Variants in NAV2 observed in about 807,000 individuals in gnomAD.
The protein encoded by NAV2 is neuron navigator 2, also known as helicase, APC down-regulated 1.
NAV2 carries 54 observed loss-of-function variants against 223.2 expected under a neutral mutation model. The ratio of observed to expected loss-of-function variants is 0.24; its 90% confidence interval spans 0.19 to 0.30. NAV2 has a LOEUF of 0.30. Among genes scored for constraint, NAV2 ranks in the 10% least tolerant of loss-of-function variants. The probability of loss-of-function intolerance (pLI) is 1.00; values close to 1 mark genes in which losing one functional copy is unlikely to be tolerated. For synonymous variants in NAV2, 1,279 were observed against 1,239.3 expected (o/e 1.03, Z -0.67); for missense variants, 2,806 against 3,147.5 (o/e 0.89, Z 2.60).
rs145908202 is a variant in NAV2 at position 19,425,339 on chromosome 11, A to C, written c.75+74312A>C. 8.8e-3 allele frequency among the ~76,000 whole-genome samples: 1,342 copies of C among 152,186 alleles called. 26 individuals are homozygous for C. Among genetic ancestry groups the C allele is most frequent in the African/African-American group, 0.031 (1,276 of 41,524 alleles). ...GATAGAGTCACCAAATCCAAGGACA[A>C]TGACAAACATGCTTTACCATGGACA... On this transcript the variant is annotated intron_variant, in intron 1 of 37. Coordinates refer to the NAV2 transcript ENST00000360655.
chr11:20,068,090 C>A, intron 20 of NAV2, 96 bp from the exon 21 acceptor site: 3 of 1,103,198 alleles, frequency 2.7e-6, no homozygotes, highest in Non-Finnish European at 4.2e-6. Context: ...TTCTTCCAGA[C>A]TGCTGCAACC....
chr11:19,434,849 CTTTT>C (rs57000125), intron 1 of NAV2, among the ~76,000 whole-genome samples: 1 of 129,260 alleles, frequency 7.7e-6, no homozygotes, highest in Non-Finnish European at 1.6e-5. Flanking sequence ...AAGGTTGTGG[CTTTT>C]TTTTTTTTTT....
intron 1 of NAV2, among the ~76,000 whole-genome samples, chr11:19,736,853 A>G (rs1010038702): frequency 3.3e-5 from 5 of 152,236 alleles, no homozygotes; most frequent in Non-Finnish European, 7.3e-5. Flanking sequence ...GAGTTAGTAT[A>G]GCCACAACCA....
intron 37 of NAV2, among the ~76,000 whole-genome samples, chr11:20,115,549 G>A (rs531615056): frequency 1.4e-5 from 2 of 145,422 alleles, no homozygotes; most frequent in South Asian, 2.2e-4. Context: ...GGAGAATGGC[G>A]TGAACCCGGG....
At chr11:20,022,664 CT>C (rs1264317879) in intron 11 of NAV2, 6 of 993,738 alleles carry the variant, frequency 6.0e-6, no homozygotes, top group Non-Finnish European at 7.2e-6. Context: ...GCTGGAAAGA[CT>C]TTCTGCAATG....
intron 1 of NAV2, among the ~76,000 whole-genome samples, chr11:19,703,749 C>A (rs76270765): frequency 0.011 from 1,724 of 152,332 alleles, 16 homozygotes; most frequent in Non-Finnish European, 0.019. Context: ...GTTGTGAGAG[C>A]AAAGCCTTTG....
intron 1 of NAV2, among the ~76,000 whole-genome samples, chr11:19,441,749 G>A (rs1006325221): frequency 6.6e-5 from 10 of 152,138 alleles, no homozygotes. Context: ...ATTTATCGGA[G>A]CCCATTTTCT....
At position 19,712,844 on chromosome 11, in the gene NAV2, C is replaced by G. The variant is rs902880091; in HGVS notation, c.-852C>G. Among the ~76,000 whole-genome samples the G allele has an allele frequency of 6.6e-6, 1 of 151,270 alleles. No homozygotes were observed. On this transcript the variant is annotated 5_prime_UTR_variant, in exon 1 of 38. Coordinates refer to ENST00000349880, the MANE Select transcript of NAV2 (RefSeq NM_145117.5). ...CAGCGCCGGCAGCAGCCTGTCCTCCCCTGCGCTGAGCCCCGCAGCCAGCGC... is the reference window on the plus strand; with the variant it reads ...CAGCGCCGGCAGCAGCCTGTCCTCCGCTGCGCTGAGCCCCGCAGCCAGCGC...
At chr11:19,708,750 T>C (rs2049756492), upstream of NAV2, among the ~76,000 whole-genome samples, 1 of 152,128 alleles carries the variant, frequency 6.6e-6, no homozygotes, top group South Asian at 2.1e-4. Flanking sequence ...CCTGAGAGCT[T>C]TGATAATACG....
Position 19,611,978 on chromosome 11 carries a change from A to G in NAV2, c.76-220506A>G, listed in dbSNP as rs192620076. Among the ~76,000 whole-genome samples the G allele has an allele frequency of 7.9e-5, 12 of 152,352 alleles. No homozygotes were observed. In the East Asian group the frequency reaches 2.3e-3, roughly 29 times the overall value. Reference sequence around the variant, plus strand: ...CTGCCCCTGCAGCAAACTTTTGCCTAGACATCCAGGCATTTCCATACATCT... The same window carrying G: ...CTGCCCCTGCAGCAAACTTTTGCCTGGACATCCAGGCATTTCCATACATCT... On this transcript the variant is annotated intron_variant, in intron 1 of 37. Coordinates refer to the NAV2 transcript ENST00000360655.
chr11:19,839,949 A>G (rs1389946200), intron 2 of NAV2, among the ~76,000 whole-genome samples: 1 of 152,220 alleles, frequency 6.6e-6, no homozygotes, highest in African/African-American at 2.4e-5. Context: ...TTTGGGATGC[A>G]GCCAAAGACC....
intron 10 of NAV2, among the ~76,000 whole-genome samples, chr11:19,949,568 C>G (rs911834639): frequency 3.9e-5 from 6 of 152,214 alleles, no homozygotes; most frequent in African/African-American, 1.4e-4. Context: ...ATGGTAGGTC[C>G]TTCTTGCTGC....
At chr11:19,939,610 G>A (rs745786802) in intron 7 of NAV2, 51 bp from the exon 8 acceptor site, 9 of 1,447,974 alleles carry the variant, frequency 6.2e-6, no homozygotes, top group East Asian at 4.5e-5. Context: ...TGGTCCAGAT[G>A]TGGTAGTTGC....
At chr11:19,396,698 C>T (rs1590119815) in intron 1 of NAV2, among the ~76,000 whole-genome samples, 2 of 152,274 alleles carry the variant, frequency 1.3e-5, no homozygotes, top group Admixed American at 1.3e-4. Context: ...ACTTGGTGAA[C>T]ATTGATGGAG....
At chr11:19,687,436 T>C (rs1464003810) in intron 1 of NAV2, among the ~76,000 whole-genome samples, 1 of 152,232 alleles carries the variant, frequency 6.6e-6, no homozygotes, top group Non-Finnish European at 1.5e-5. Flanking sequence ...ACATGAATTA[T>C]CTCAAAGTGA....
chr11:19,772,811 C>T (rs1213296136), intron 1 of NAV2, among the ~76,000 whole-genome samples: 1 of 152,088 alleles, frequency 6.6e-6, no homozygotes, highest in African/African-American at 2.4e-5. Flanking sequence ...CTGGCCGGCC[C>T]CCACCGTGTC....
chr11:19,403,464 G>C (rs954882715), intron 1 of NAV2, among the ~76,000 whole-genome samples: 1 of 152,192 alleles, frequency 6.6e-6, no homozygotes, highest in Admixed American at 6.5e-5. Flanking sequence ...AAAAGCTGCA[G>C]GTTAGCCTAG....
intron 1 of NAV2, among the ~76,000 whole-genome samples, chr11:19,569,913 C>T (rs948275831): frequency 7.9e-5 from 12 of 152,178 alleles, no homozygotes; most frequent in African/African-American, 2.2e-4. Flanking sequence ...AGTCTACTAA[C>T]GCTAAATTTT....
chr11:19,988,890 A>G (rs2051051758), intron 11 of NAV2, among the ~76,000 whole-genome samples: 1 of 152,204 alleles, frequency 6.6e-6, no homozygotes, highest in African/African-American at 2.4e-5. Flanking sequence ...CAAGCAGTGC[A>G]TTCATGGATT....
Sources: allele counts gnomAD v4.1 joint callset (sites outside exome capture counted in the v4.1 genomes callset), GRCh38; gene constraint gnomAD v4.1.1; transcripts MANE v1.5; gene names NCBI Gene and HGNC (gene_info 2026-07-23, HGNC 2026-07-21).